PHKA1: variants seen among roughly 807,000 people sequenced by gnomAD.
PHKA1 encodes the protein phosphorylase b kinase regulatory subunit alpha, skeletal muscle isoform.
PHKA1 carries 60 observed loss-of-function variants against 110.2 expected under a neutral mutation model. The ratio of observed to expected loss-of-function variants is 0.54; its 90% confidence interval spans 0.44 to 0.68. PHKA1 has a LOEUF of 0.68. Among genes scored for constraint, PHKA1 ranks in the 30% least tolerant of loss-of-function variants. PHKA1 has a pLI of 0.00. For missense variants in PHKA1, 801 were observed against 942.5 expected (o/e 0.85, Z 1.97); for synonymous variants, 316 against 333.6 (o/e 0.95, Z 0.58).
intron 28 of PHKA1, among the ~76,000 whole-genome samples, chrX:72,601,248 A>G (rs911467171): frequency 1.3e-4 from 14 of 111,874 alleles, no homozygotes; most frequent in Admixed American, 1.2e-3. Context: ...TAAAGAAAAA[A>G]TTATTCAATG....
chrX:72,701,661 G>A lies in PHKA1; in HGVS notation c.285+3537C>T, dbSNP rs1200180253. Among the ~76,000 whole-genome samples, 5 of 112,019 alleles carry A rather than the reference G, an allele frequency of 4.5e-5. No individual in the cohort carries two copies. In the East Asian group the frequency reaches 1.4e-3, roughly 32 times the overall value. ...TTGAACCCAGGAGGTGGAGATTGCA[G>A]TGAGCTGAGATCGTGCCACTGCACT... On this transcript the variant is annotated intron_variant, in intron 3 of 31. Transcript: ENST00000373542.
chrX:72,607,036 G>A (rs1556252487), intron 23 of PHKA1, among the ~76,000 whole-genome samples: 2 of 111,537 alleles, frequency 1.8e-5, no homozygotes, highest in African/African-American at 3.3e-5. Context: ...CATCCATGTT[G>A]TTACAAATGA....
intron 12 of PHKA1, 63 bp from the exon 13 acceptor site, chrX:72,650,531 A>G: frequency 1.1e-6 from 1 of 894,315 alleles, no homozygotes; most frequent in East Asian, 3.2e-5. Flanking sequence ...TACTTGAGGG[A>G]AAACAACATC....
intron 3 of PHKA1, among the ~76,000 whole-genome samples, chrX:72,699,226 G>A (rs1451206175): frequency 9.1e-6 from 1 of 110,316 alleles, no homozygotes; most frequent in Non-Finnish European, 1.9e-5. Context: ...AGAATAAAGA[G>A]GCCAGGCGCA....
At chrX:72,676,463 A>G (rs782197442) in intron 5 of PHKA1, among the ~76,000 whole-genome samples, 1 of 112,077 alleles carries the variant, frequency 8.9e-6, no homozygotes, top group Non-Finnish European at 1.9e-5. Flanking sequence ...ATTAAAGCAA[A>G]TACCCAGTAG....
chrX:72,583,482 G>T (rs1556206293), intron 30 of PHKA1, among the ~76,000 whole-genome samples: 1 of 111,681 alleles, frequency 9.0e-6, no homozygotes, highest in Non-Finnish European at 1.9e-5. Flanking sequence ...TTCTTGATTA[G>T]AGAAAAGGCC....
chrX:72,594,135 T>C (rs2052560117), intron 28 of PHKA1, among the ~76,000 whole-genome samples: 1 of 110,780 alleles, frequency 9.0e-6, no homozygotes, highest in Non-Finnish European at 1.9e-5. Context: ...TAGCAAAACT[T>C]ATGGGATGCA....
At chrX:72,654,185 T>G (rs782702216) in intron 10 of PHKA1, among the ~76,000 whole-genome samples, 5 of 112,204 alleles carry the variant, frequency 4.5e-5, no homozygotes, top group Non-Finnish European at 9.4e-5. Flanking sequence ...ATGCACAATT[T>G]CATACTGAGA....
intron 21 of PHKA1, among the ~76,000 whole-genome samples, chrX:72,612,553 C>T (rs2052827705): frequency 8.9e-6 from 1 of 111,928 alleles, no homozygotes; most frequent in African/African-American, 3.2e-5. Flanking sequence ...GGGTACTTGC[C>T]ATAGCATTTT....
intron 16 of PHKA1, among the ~76,000 whole-genome samples, chrX:72,634,447 C>G (rs781795849): frequency 7.3e-5 from 8 of 109,688 alleles, no homozygotes; most frequent in Non-Finnish European, 1.5e-4. Context: ...TCTTTGGAAG[C>G]AACAGGAGAA....
At chrX:72,678,749 T>A (rs782422902) in intron 5 of PHKA1, among the ~76,000 whole-genome samples, 5 of 112,187 alleles carry the variant, frequency 4.5e-5, no homozygotes, top group Admixed American at 1.9e-4. Flanking sequence ...ATTTATAACA[T>A]AATGGTTTTC....
chrX:72,625,914 C>T (rs181348989), intron 17 of PHKA1, among the ~76,000 whole-genome samples: 1 of 111,320 alleles, frequency 9.0e-6, no homozygotes, highest in Non-Finnish European at 1.9e-5. Context: ...GATCTGCCCC[C>T]CTTGGCCTCC....
intron 29 of PHKA1, among the ~76,000 whole-genome samples, chrX:72,590,156 G>A (rs1194420104): frequency 5.4e-5 from 6 of 111,501 alleles, no homozygotes; most frequent in South Asian, 3.8e-4. Context: ...GAGGCATCAC[G>A]CTACCTGACA....
At chrX:72,705,131 C>T in intron 3 of PHKA1, 67 bp downstream of exon 3, 3 of 833,601 alleles carry the variant, frequency 3.6e-6, no homozygotes, top group Non-Finnish European at 5.4e-6. Context: ...TATAAACATT[C>T]CCTAAAGGGT....
intron 13 of PHKA1, among the ~76,000 whole-genome samples, chrX:72,645,680 T>C (rs782584826): frequency 1.8e-5 from 2 of 112,593 alleles, no homozygotes; most frequent in African/African-American, 6.5e-5. Context: ...ATTTATTAAG[T>C]ACCTCAATGG....
chrX:72,580,945 T>C lies in PHKA1; in HGVS notation c.*57A>G. The C allele has an allele frequency of 9.4e-7, 1 of 1,063,283 alleles. No individual in the cohort carries two copies. The highest frequency in any genetic ancestry group is 1.3e-6 in the Non-Finnish European group (1 of 766,680). The allele number at this position is 1,063,283 out of a possible 1,213,427, so 87.6% of individuals were successfully genotyped here. On this transcript the variant is annotated 3_prime_UTR_variant, in exon 32 of 32. Transcript: ENST00000373542. ...AATAACATTTTAGTTCCATGCACAA[T>C]CAACCGAGGCAGGGACCAGCTGTCA...
chrX:72,583,847 C>T (rs1051056150), intron 30 of PHKA1, among the ~76,000 whole-genome samples: 1 of 111,939 alleles, frequency 8.9e-6, no homozygotes, highest in Non-Finnish European at 1.9e-5. Context: ...AATTGGAACC[C>T]GGGTTACCCC....
chrX:72,596,926 T>A (rs1336494952), intron 28 of PHKA1, among the ~76,000 whole-genome samples: 2 of 112,290 alleles, frequency 1.8e-5, no homozygotes, highest in Non-Finnish European at 3.8e-5. Flanking sequence ...TATAGATCGA[T>A]GGAATAGAAC....
chrX:72,582,856 G>A (rs782155760), intron 30 of PHKA1, among the ~76,000 whole-genome samples: 6 of 111,597 alleles, frequency 5.4e-5, no homozygotes, highest in Non-Finnish European at 9.4e-5. Flanking sequence ...ATTCAAAAGA[G>A]GAAGAAAGCT....
Sources: allele counts gnomAD v4.1 joint callset (sites outside exome capture counted in the v4.1 genomes callset), GRCh38; gene constraint gnomAD v4.1.1; transcripts MANE v1.5; gene names NCBI Gene and HGNC (gene_info 2026-07-23, HGNC 2026-07-21).